Variants in DOCK2 observed in about 807,000 individuals in gnomAD.
DOCK2 encodes dedicator of cytokinesis protein 2.
DOCK2 carries 87 observed loss-of-function variants against 248.9 expected under a neutral mutation model. That is an observed-to-expected ratio of 0.35 (90% CI 0.29 to 0.42). DOCK2 has a LOEUF of 0.42. Among genes scored for constraint, DOCK2 ranks in the 10% least tolerant of loss-of-function variants. The probability of loss-of-function intolerance (pLI) is 1.00; values close to 1 mark genes in which losing one functional copy is unlikely to be tolerated. For synonymous variants in DOCK2, 805 were observed against 821.6 expected (o/e 0.98, Z 0.35); for missense variants, 1,747 against 2,300.2 (o/e 0.76, Z 4.92).
rs1049895394 is a variant in DOCK2, at chr5:169,674,288, G to T, written c.322-9G>T. Reference sequence around the variant, plus strand: ...CACAGGTAATTATGGGTTGTTTCTTGTCTCCTAGGCCAGCAAAAAGGAGCG... The same window carrying T: ...CACAGGTAATTATGGGTTGTTTCTTTTCTCCTAGGCCAGCAAAAAGGAGCG... On this transcript the variant is annotated splice_polypyrimidine_tract_variant and intron_variant, in intron 5 of 51. Transcript: ENST00000520908. 5.0e-6 allele frequency: 8 copies of T among 1,613,320 alleles called. No individual in the cohort carries two copies. Among genetic ancestry groups the T allele is most frequent in the Non-Finnish European group, 6.8e-6 (8 of 1,179,732 alleles).
chr5:169,757,561 C>A (rs1764259508), intron 23 of DOCK2, among the ~76,000 whole-genome samples: 1 of 152,052 alleles, frequency 6.6e-6, no homozygotes, highest in African/African-American at 2.4e-5. Context: ...AAGAATAAAT[C>A]TCTAGATACA....
At chr5:169,694,781 A>G (rs951879557) in intron 9 of DOCK2, among the ~76,000 whole-genome samples, 3 of 151,728 alleles carry the variant, frequency 2.0e-5, no homozygotes, top group Non-Finnish European at 4.4e-5. Context: ...GGAGTTTGAA[A>G]TCAGCCTGGA....
At chr5:170,050,195 G>T (rs1214335428) in intron 40 of DOCK2, 61 bp from the exon 41 acceptor site, 33 of 1,589,250 alleles carry the variant, frequency 2.1e-5, no homozygotes, top group Non-Finnish European at 2.5e-5. Context: ...CCCCAGCTTT[G>T]CTTGGCCCCT....
chr5:170,017,269 C>A (rs1418522611), intron 32 of DOCK2, among the ~76,000 whole-genome samples: 1 of 152,058 alleles, frequency 6.6e-6, no homozygotes, highest in Non-Finnish European at 1.5e-5. Flanking sequence ...CTGCCCCAGG[C>A]GAAGACCACA....
intron 27 of DOCK2, among the ~76,000 whole-genome samples, chr5:169,954,695 CTTG>C (rs963676229): frequency 2.6e-4 from 40 of 152,292 alleles, no homozygotes; most frequent in Non-Finnish European, 2.1e-4. Flanking sequence ...CCCTTTCAAA[CTTG>C]TTGTTGTTGT....
At chr5:169,810,297 C>A (rs1474332716) in intron 26 of DOCK2, among the ~76,000 whole-genome samples, 1 of 152,104 alleles carries the variant, frequency 6.6e-6, no homozygotes, top group Non-Finnish European at 1.5e-5. Flanking sequence ...GAATTAATCA[C>A]ACTCCTGAGT....
intron 27 of DOCK2, among the ~76,000 whole-genome samples, chr5:169,899,386 T>G (rs956149727): frequency 2.6e-5 from 4 of 152,130 alleles, no homozygotes; most frequent in African/African-American, 9.7e-5. Context: ...AGAATCAGGT[T>G]CAATGAGACC....
chr5:169,836,197 C>A (rs1769574410), intron 26 of DOCK2, among the ~76,000 whole-genome samples: 1 of 152,146 alleles, frequency 6.6e-6, no homozygotes. Context: ...AAATATTATC[C>A]TATGCAATTA....
intron 1 of DOCK2, among the ~76,000 whole-genome samples, chr5:169,653,575 C>T (rs1757926646): frequency 6.6e-6 from 1 of 152,214 alleles, no homozygotes. Context: ...TTGCGTAGCC[C>T]TCTCCATTGT....
chr5:169,689,399 G>C, intron 9 of DOCK2, 66 bp downstream of exon 9: 1 of 1,563,758 alleles, frequency 6.4e-7, no homozygotes, highest in Admixed American at 1.7e-5. Flanking sequence ...TGGAAATGAG[G>C]CTGGTCAGGA....
intron 29 of DOCK2, among the ~76,000 whole-genome samples, chr5:169,991,174 C>T (rs1196366840): frequency 6.6e-6 from 1 of 152,220 alleles, no homozygotes; most frequent in African/African-American, 2.4e-5. Context: ...CTGTGTGCAC[C>T]TTCCATTCCT....
At position 170,080,204 on chromosome 5, in the gene DOCK2, G is replaced by C; in HGVS notation, c.5208G>C (p.Ser1736=). 6.2e-7 allele frequency: 1 copy of C among 1,614,040 alleles called. No individual in the cohort carries two copies. The highest frequency in any genetic ancestry group is 1.1e-5 in the South Asian group (1 of 91,082). ...AGTTCATGAGTGACACCAACCTCTC[G>C]GAGCATGCGGCCATCCCCCTCAAGG... is the stretch of plus-strand genomic sequence containing the variant. ...KHEFMSDTNL[S]EHAAIPLKAS... is the part of the protein sequence containing the mutation. Residue 1736 remains serine, a synonymous_variant, in exon 50 of 52, where the codon TCG becomes TCC. Transcript: ENST00000520908.
At chr5:170,043,626 C>G (rs146940088) in intron 38 of DOCK2, among the ~76,000 whole-genome samples, 2 of 152,284 alleles carry the variant, frequency 1.3e-5, no homozygotes, top group African/African-American at 2.4e-5. Context: ...TATAAATTCC[C>G]AAGGCTCAAG....
chr5:169,648,222 T>C (rs1277207274), intron 1 of DOCK2, among the ~76,000 whole-genome samples: 2 of 152,126 alleles, frequency 1.3e-5, no homozygotes, highest in Non-Finnish European at 2.9e-5. Context: ...TCCTGTGCAC[T>C]GTAGGATGTT....
At chr5:169,820,006 T>C (rs246766) in intron 26 of DOCK2, among the ~76,000 whole-genome samples, 88,146 of 152,108 alleles carry the variant, frequency 0.58, 26,440 homozygotes, top group African/African-American at 0.72. Flanking sequence ...CCCATGCCCA[T>C]GGAGCCTCGC....
At chr5:169,923,483 GCACACACACACACA>G (rs34053722) in intron 27 of DOCK2, among the ~76,000 whole-genome samples, 9 of 148,926 alleles carry the variant, frequency 6.0e-5, no homozygotes, top group Non-Finnish European at 1.0e-4. Flanking sequence ...ATGCACGTGG[GCACACACACACACA>G]CACACACACA....
chr5:169,714,506 C>T (rs775269178), intron 19 of DOCK2, 49 bp downstream of exon 19: 27 of 1,600,348 alleles, frequency 1.7e-5, no homozygotes, highest in Middle Eastern at 1.7e-4. Flanking sequence ...TGACAGAACT[C>T]TCCATGTGGG....
intron 27 of DOCK2, among the ~76,000 whole-genome samples, chr5:169,888,080 T>C (rs1773076615): frequency 6.6e-6 from 1 of 152,220 alleles, no homozygotes; most frequent in African/African-American, 2.4e-5. Flanking sequence ...GTCAAACGAA[T>C]GTGGAAACTC....
At chr5:170,026,554 T>C (rs571630028) in intron 33 of DOCK2, among the ~76,000 whole-genome samples, 140 of 152,348 alleles carry the variant, frequency 9.2e-4, no homozygotes, top group African/African-American at 3.1e-3. Context: ...GCCAGTTTAT[T>C]TTTTAATGGT....
Sources: gnomAD v4.1 joint callset for allele counts (sites outside exome capture counted in the v4.1 genomes callset) on GRCh38, gnomAD v4.1.1 for gene constraint, MANE v1.5 for transcripts, NCBI Gene and HGNC (gene_info 2026-07-23, HGNC 2026-07-21) for gene names.